The following TEX15 variants were observed in gnomAD, a reference collection of about 807,000 sequenced individuals.
The protein encoded by TEX15 is testis-expressed protein 15.
A neutral mutation model predicts 237.3 loss-of-function variants in TEX15; 171 were observed. The observed-to-expected ratio is 0.72, with a 90% CI of 0.64 to 0.82. TEX15 has a LOEUF of 0.82. Ranked by LOEUF, TEX15 falls within the 40% of genes least tolerant of loss-of-function variation. The probability of loss-of-function intolerance (pLI) is 0.00; values close to 1 mark genes in which losing one functional copy is unlikely to be tolerated. For missense variants in TEX15, 3,750 were observed against 3,646.5 expected (o/e 1.03, Z -0.73); for synonymous variants, 1,338 against 1,269.8 (o/e 1.05, Z -1.14).
Position 30,844,429 on chromosome 8 carries a change from T to C in TEX15, c.5738A>G (p.Asn1913Ser). 1 of 1,612,198 alleles carries C rather than the reference T, an allele frequency of 6.2e-7. No individual in the cohort carries two copies. Among genetic ancestry groups the C allele is most frequent in the Non-Finnish European group, 8.5e-7 (1 of 1,179,264 alleles). ...NTTTESVPLK[N>S]TVSNPLNKRE... Reference sequence around the variant, plus strand: ...TTTGTTAAGCGGATTAGAAACTGTGTTCTTCAAAGGGACTGACTCAGTGGT... The same window carrying C: ...TTTGTTAAGCGGATTAGAAACTGTGCTCTTCAAAGGGACTGACTCAGTGGT... Residue 1913 changes from asparagine (N) to serine (S), a missense_variant, in exon 8 of 11, where the codon AAC (asparagine) becomes AGC (serine). By Grantham distance (46) the Asn-to-Ser change is conservative (BLOSUM62 1). Transcript: ENST00000643185.
intron 7 of TEX15, among the ~76,000 whole-genome samples, chr8:30,857,770 T>C (rs1204949993): frequency 2.0e-5 from 3 of 152,204 alleles, no homozygotes. Context: ...AGCACTAAGT[T>C]TGGTGAGGAT....
At chr8:30,888,642 G>GT in intron 2 of TEX15, 3 of 1,289,586 alleles carry the variant, frequency 2.3e-6, no homozygotes, top group Non-Finnish European at 2.0e-6. Flanking sequence ...GTACCATTTC[G>GT]TAACATGGTT....
At chr8:30,877,448 CA>C (rs1190853978) in intron 3 of TEX15, among the ~76,000 whole-genome samples, 1 of 152,094 alleles carries the variant, frequency 6.6e-6, no homozygotes, top group East Asian at 1.9e-4. Flanking sequence ...AACATAATGA[CA>C]AAAACAATAT....
At chr8:30,870,277 T>C (rs1808265427) in intron 4 of TEX15, among the ~76,000 whole-genome samples, 1 of 152,086 alleles carries the variant, frequency 6.6e-6, no homozygotes, top group Non-Finnish European at 1.5e-5. Context: ...GACCAGGAAC[T>C]TTTAATTTAC....
intron 1 of TEX15, among the ~76,000 whole-genome samples, chr8:30,907,774 CAA>C (rs35997250): frequency 6.3e-5 from 7 of 111,520 alleles, no homozygotes; most frequent in Admixed American, 9.6e-5. Flanking sequence ...ATAATTACAC[CAA>C]AAAAAAAAAA....
rs1177373730 is a variant in TEX15, at chr8:30,848,983, T to C, written c.1184A>G (p.Asp395Gly). Residue 395 changes from aspartate to glycine, a missense_variant, in exon 8 of 11, where the codon GAC (aspartate) becomes GGC (glycine). By Grantham distance (94) the Asp-to-Gly change is moderately conservative (BLOSUM62 -1). Coordinates refer to ENST00000643185, the MANE Select transcript of TEX15 (RefSeq NM_001350162.2). ...PSDAKDSVNG[D>G]LLLNWTSLKN... ...AAGACTTGTCCAATTTAACAAAAGG[T>C]CACCATTAACACTGTCTTTGGCATC... 3.1e-6 allele frequency: 5 copies of C among 1,614,170 alleles called. No homozygotes were observed. In the East Asian group the frequency reaches 6.7e-5, roughly 22 times the overall value.
intron 1 of TEX15, among the ~76,000 whole-genome samples, 167 bp downstream of exon 1, chr8:30,912,712 A>T (rs1023216796): frequency 4.6e-5 from 7 of 152,350 alleles, no homozygotes; most frequent in South Asian, 2.1e-4. Flanking sequence ...TAACATTTTT[A>T]AAAAATTTAT....
intron 3 of TEX15, 56 bp downstream of exon 3, chr8:30,887,111 A>C: frequency 7.1e-7 from 1 of 1,409,088 alleles, no homozygotes; most frequent in Non-Finnish European, 9.4e-7. Context: ...ATAAACTAAG[A>C]ATCAGAGAAA....
chr8:30,911,484 AAC>A (rs1809218219), intron 1 of TEX15, among the ~76,000 whole-genome samples: 1 of 152,092 alleles, frequency 6.6e-6, no homozygotes, highest in African/African-American at 2.4e-5. Flanking sequence ...CTTCTCCACC[AAC>A]ACACATAGTC....
In TEX15 at chr8:30,837,778, C is replaced by T. The variant is rs770719821; in HGVS notation, c.8506G>A (p.Asp2836Asn). ...SAAETKSDKK[D>N]CAAFAICDQK... ...TCACAAATTGCAAAAGCAGCACAAT[C>T]TTTCTTATCACTTTTTGTTTCAGCA... The change falls in exon 10 of 11, where the codon GAT becomes AAT. Residue 2836 changes from aspartate to asparagine, a missense_variant. Coordinates refer to ENST00000643185, the MANE Select transcript of TEX15 (RefSeq NM_001350162.2). 6.2e-7 allele frequency: 1 copy of T among 1,614,044 alleles called. No individual in the cohort carries two copies. Among genetic ancestry groups the T allele is most frequent in the African/African-American group, 1.3e-5 (1 of 74,918 alleles).
At chr8:30,882,173 T>C (rs1808539595) in intron 3 of TEX15, among the ~76,000 whole-genome samples, 1 of 152,224 alleles carries the variant, frequency 6.6e-6, no homozygotes, top group Non-Finnish European at 1.5e-5. Flanking sequence ...CCCAGGCTGG[T>C]CTCAAATTCC....
At chr8:30,907,086 C>T (rs1809118467) in intron 1 of TEX15, among the ~76,000 whole-genome samples, 2 of 152,258 alleles carry the variant, frequency 1.3e-5, no homozygotes, top group South Asian at 2.1e-4. Flanking sequence ...ACTTTCCTAA[C>T]CACCATTGCC....
At chr8:30,889,935 A>ATATATATACACATATATATATATACG (rs1563273079) in intron 2 of TEX15, among the ~76,000 whole-genome samples, 1 of 82,806 alleles carries the variant, frequency 1.2e-5, no homozygotes, top group African/African-American at 7.4e-5. Context: ...AGTTATATAC[A>ATATATATACACATATATATATATACG]TATATATATA....
chr8:30,901,621 T>C (rs1409002330), intron 1 of TEX15, among the ~76,000 whole-genome samples: 2 of 152,146 alleles, frequency 1.3e-5, no homozygotes, highest in Admixed American at 1.3e-4. Flanking sequence ...CAACGTATGT[T>C]TGAGTATATA....
intron 1 of TEX15, among the ~76,000 whole-genome samples, chr8:30,910,015 G>T (rs889781733): frequency 2.0e-5 from 3 of 152,000 alleles, no homozygotes; most frequent in Admixed American, 6.6e-5. Flanking sequence ...AAATAAATGA[G>T]AAATAGGAAC....
At chr8:30,839,030 G>T (rs1046637129) in intron 9 of TEX15, among the ~76,000 whole-genome samples, 11 of 151,860 alleles carry the variant, frequency 7.2e-5, no homozygotes, top group Non-Finnish European at 5.9e-5. Flanking sequence ...TGGTCAGGCT[G>T]ATCTCCAACT....
intron 1 of TEX15, among the ~76,000 whole-genome samples, chr8:30,909,519 T>A (rs962676769): frequency 6.6e-6 from 1 of 151,284 alleles, no homozygotes; most frequent in African/African-American, 2.4e-5. Flanking sequence ...GCTACCAGAC[T>A]TCGGGGACTA....
At chr8:30,885,787 C>A (rs749777540) in intron 3 of TEX15, among the ~76,000 whole-genome samples, 2 of 152,218 alleles carry the variant, frequency 1.3e-5, no homozygotes, top group Middle Eastern at 6.8e-3. Flanking sequence ...CTGTTGGATA[C>A]GCCCATTTCT....
At chr8:30,835,900 CTG>C (rs1807281438) in intron 10 of TEX15, among the ~76,000 whole-genome samples, 1 of 152,136 alleles carries the variant, frequency 6.6e-6, no homozygotes, top group South Asian at 2.1e-4. Context: ...TATTAGATAA[CTG>C]AGAGAAACAG....
Sources: gnomAD v4.1 joint callset for allele counts (sites outside exome capture counted in the v4.1 genomes callset) on GRCh38, gnomAD v4.1.1 for gene constraint, MANE v1.5 for transcripts, NCBI Gene and HGNC (gene_info 2026-07-23, HGNC 2026-07-21) for gene names.